CHST3: variants seen among roughly 807,000 people sequenced by gnomAD.
CHST3 encodes the protein carbohydrate sulfotransferase 3, also known as C6ST-1.
In CHST3, 20 loss-of-function variants were observed where a neutral mutation model predicts 35.4. The observed-to-expected ratio is 0.57, with a 90% confidence interval of 0.40 to 0.82. CHST3 has a LOEUF of 0.82. CHST3 is among the 40% of genes least tolerant of loss of function. CHST3 has a pLI of 0.00. For synonymous variants in CHST3, 334 were observed against 295.9 expected (o/e 1.13, Z -1.32); for missense variants, 693 against 670.1 (o/e 1.03, Z -0.38).
chr10:72,000,965 C>T (rs1031198776), intron 1 of CHST3, among the ~76,000 whole-genome samples: 1 of 152,036 alleles, frequency 6.6e-6, no homozygotes, highest in Admixed American at 6.5e-5. Flanking sequence ...ACACTAGGCC[C>T]CCAGGAGATT....
chr10:71,974,195 G>A (rs929091903), intron 1 of CHST3, among the ~76,000 whole-genome samples: 3 of 152,196 alleles, frequency 2.0e-5, no homozygotes, highest in Non-Finnish European at 4.4e-5. Context: ...AAAGGAAATT[G>A]AGGTCAGATC....
chr10:71,991,843 A>G (rs544933394), intron 1 of CHST3, among the ~76,000 whole-genome samples: 98 of 152,036 alleles, frequency 6.4e-4, no homozygotes, highest in African/African-American at 2.2e-3. Context: ...CTGAGGCAGG[A>G]GAATCGCTGG....
At chr10:71,973,267 G>T (rs74145504) in intron 1 of CHST3, among the ~76,000 whole-genome samples, 2,202 of 152,294 alleles carry the variant, frequency 0.014, 57 homozygotes, top group African/African-American at 0.048. Flanking sequence ...TACTGAGGAT[G>T]AGCCTGAAAC....
At chr10:71,985,208 C>T (rs1839836680) in intron 1 of CHST3, among the ~76,000 whole-genome samples, 3 of 152,224 alleles carry the variant, frequency 2.0e-5, no homozygotes, top group South Asian at 4.1e-4. Context: ...GCTGAGGTTG[C>T]GCAGAGCTTT....
rs368955354 is a variant in CHST3 at position 71,993,564 on chromosome 10, G to A, written c.-107-12172G>A. On this transcript the variant is annotated intron_variant, in intron 1 of 2. Coordinates refer to ENST00000373115, the MANE Select transcript of CHST3 (RefSeq NM_004273.5). Reference sequence around the variant, plus strand: ...TCCTGAGTCACAAATGTTCTTACTGGCATCTACAATGGAAGGTTTTCAGTT... The same window carrying A: ...TCCTGAGTCACAAATGTTCTTACTGACATCTACAATGGAAGGTTTTCAGTT... 4.6e-5 allele frequency among the ~76,000 whole-genome samples: 7 copies of A among 152,280 alleles called. No individual in the cohort carries two copies. In the East Asian group the frequency reaches 1.3e-3, roughly 29 times the overall value.
At chr10:71,974,715 C>G (rs909049048) in intron 1 of CHST3, among the ~76,000 whole-genome samples, 1 of 152,212 alleles carries the variant, frequency 6.6e-6, no homozygotes, top group African/African-American at 2.4e-5. Context: ...TGTCTGCCCT[C>G]TATGGTTCTC....
chr10:71,994,980 C>T (rs1393266463), intron 1 of CHST3, among the ~76,000 whole-genome samples: 2 of 152,206 alleles, frequency 1.3e-5, no homozygotes, highest in African/African-American at 4.8e-5. Context: ...GAGTTAGGGA[C>T]ATGCTCTGGT....
At chr10:71,975,470 G>A (rs940015136) in intron 1 of CHST3, among the ~76,000 whole-genome samples, 8 of 152,206 alleles carry the variant, frequency 5.3e-5, no homozygotes, top group Non-Finnish European at 7.3e-5. Context: ...GGAAGTACAG[G>A]GAGTTTTCAT....
rs776363848 is a variant in CHST3 at position 72,008,455 on chromosome 10, C to A, written c.1424C>A (p.Thr475Asn). The change falls in exon 3 of 3, where the codon ACC becomes AAC. Residue 475 changes from threonine to asparagine, a missense_variant. Transcript: ENST00000373115. Reference protein sequence around the residue: ...RSVSLLEERGTFWVT With the variant: ...RSVSLLEERGNFWVT Reference sequence around the variant, plus strand: ...GTCAGCCTGCTGGAGGAGAGGGGCACCTTCTGGGTCACGTAGGGGGGCCGG... The same window carrying A: ...GTCAGCCTGCTGGAGGAGAGGGGCAACTTCTGGGTCACGTAGGGGGGCCGG... The A allele has an allele frequency of 4.5e-6, 7 of 1,556,274 alleles. No homozygotes were observed. The highest frequency in any genetic ancestry group is 5.2e-6 in the Non-Finnish European group (6 of 1,149,950).
At chr10:71,991,954 T>G (rs1839900574) in intron 1 of CHST3, among the ~76,000 whole-genome samples, 1 of 152,086 alleles carries the variant, frequency 6.6e-6, no homozygotes, top group South Asian at 2.1e-4. Context: ...AAAGTTACTT[T>G]TATACTATAC....
rs1212748465 is a variant in CHST3 at position 72,008,162 on chromosome 10, G to T, written c.1131G>T (p.Gly377=). ...MLVRYEDVAR[G]PLQKAREMYR... ...TGCGCTACGAGGACGTGGCACGCGG[G>T]CCGCTGCAGAAGGCCCGCGAGATGT... Residue 377 remains glycine, a synonymous_variant, in exon 3 of 3, where the codon GGG becomes GGT. Coordinates refer to ENST00000373115, the MANE Select transcript of CHST3 (RefSeq NM_004273.5). 2 of 1,548,692 alleles carry T rather than the reference G, an allele frequency of 1.3e-6. No individual in the cohort carries two copies. The highest frequency in any genetic ancestry group is 1.2e-5 in the South Asian group (1 of 83,972).
intron 2 of CHST3, among the ~76,000 whole-genome samples, chr10:72,006,198 G>GC (rs1003662172): frequency 5.9e-5 from 9 of 152,112 alleles, no homozygotes; most frequent in East Asian, 5.8e-4. Context: ...CTGGGTTGGA[G>GC]CCCCCCCATG....
chr10:71,970,415 T>C (rs1370220733), intron 1 of CHST3, among the ~76,000 whole-genome samples: 2 of 152,204 alleles, frequency 1.3e-5, no homozygotes, highest in African/African-American at 4.8e-5. Flanking sequence ...CTCTCCTGAA[T>C]GCCGCAAGTA....
intron 1 of CHST3, among the ~76,000 whole-genome samples, chr10:71,980,761 G>C (rs1239159745): frequency 6.6e-6 from 1 of 152,220 alleles, no homozygotes; most frequent in Non-Finnish European, 1.5e-5. Flanking sequence ...AGACCATCAG[G>C]GGATTTGCTT....
chr10:71,971,613 A>G (rs1839695694), intron 1 of CHST3, among the ~76,000 whole-genome samples: 2 of 152,114 alleles, frequency 1.3e-5, no homozygotes, highest in African/African-American at 4.8e-5. Flanking sequence ...AAGATTCTGG[A>G]AAGTGCTAAT....
At chr10:71,985,134 G>T (rs568860642) in intron 1 of CHST3, among the ~76,000 whole-genome samples, 15 of 152,332 alleles carry the variant, frequency 9.8e-5, no homozygotes, top group African/African-American at 3.6e-4. Flanking sequence ...CCTGTGCTGC[G>T]CAGCTGGCGT....
chr10:72,007,256 ATC>A lies in CHST3; in HGVS notation c.231_232del (p.Leu78ValfsTer241). 6.2e-7 allele frequency: 1 copy of A among 1,614,212 alleles called. No individual in the cohort carries two copies. Among genetic ancestry groups the A allele is most frequent in the Non-Finnish European group, 8.5e-7 (1 of 1,180,038 alleles). On this transcript the variant is annotated frameshift_variant, in exon 3 of 3. Coordinates refer to ENST00000373115, the MANE Select transcript of CHST3 (RefSeq NM_004273.5). LOFTEE classifies it high-confidence loss of function. ...DPALILAENA[S>X]LLSLSELDSA... ...CAGCCCTGATCTTAGCTGAGAACGC[ATC>A]TCTCTTGTCCCTGAGCGAGCTCGAT...
chr10:71,995,381 C>T (rs999029329), intron 1 of CHST3, among the ~76,000 whole-genome samples: 1 of 149,370 alleles, frequency 6.7e-6, no homozygotes, highest in African/African-American at 2.5e-5. Context: ...GCCGAGATCA[C>T]GCCACTGCGC....
Position 71,969,820 on chromosome 10 carries a change from G to A in CHST3, c.-108+5126G>A, listed in dbSNP as rs182772707. On this transcript the variant is annotated intron_variant, in intron 1 of 2. Coordinates refer to ENST00000373115, the MANE Select transcript of CHST3 (RefSeq NM_004273.5). ...GCTGGGTGAAGCCCCAGGAGGGGCC[G>A]TGAATGCTTCTGCTGGGAACTCCTA... is the stretch of plus-strand genomic sequence containing the variant. 2.7e-3 allele frequency among the ~76,000 whole-genome samples: 416 copies of A among 152,304 alleles called. 1 individual carries two copies. The highest frequency in any genetic ancestry group is 9.4e-3 in the African/African-American group (389 of 41,562).
Sources: gnomAD v4.1 joint callset for allele counts (sites outside exome capture counted in the v4.1 genomes callset) on GRCh38, gnomAD v4.1.1 for gene constraint, MANE v1.5 for transcripts, NCBI Gene and HGNC (gene_info 2026-07-23, HGNC 2026-07-21) for gene names.